Variants in CIP2A observed in about 807,000 individuals in gnomAD.
CIP2A encodes the protein protein CIP2A.
A neutral mutation model predicts 110.9 loss-of-function variants in CIP2A; 103 were observed. The ratio of observed to expected loss-of-function variants is 0.93; its 90% confidence interval spans 0.79 to 1.09. CIP2A has a LOEUF of 1.09. Among genes scored for constraint, CIP2A ranks in the 50% least tolerant of loss-of-function variants. The pLI, the probability that CIP2A is intolerant of heterozygous loss-of-function variation, is 0.00. For missense variants in CIP2A, 1,088 were observed against 1,038.4 expected, an observed-to-expected ratio of 1.05 and a Z score of -0.66; for synonymous variants, 381 against 361.6, an observed-to-expected ratio of 1.05 and a Z score of -0.61.
At position 108,569,404 on chromosome 3, in the gene CIP2A, GAA is replaced by G; in HGVS notation, c.1096_1097del (p.Phe366GlnfsTer5). On this transcript the variant is annotated frameshift_variant, in exon 9 of 21. Transcript: ENST00000295746. LOFTEE classifies it high-confidence loss of function. ...ATCCTATTACCTCAAATATTTCCTT[GAA>G]CAACTCCAATGCTAAAACAGAACAG... is the stretch of plus-strand genomic sequence containing the variant. ...ENCSVLALEL[F>X]KEIFEDVIDA... The G allele has an allele frequency of 6.2e-7, 1 of 1,611,430 alleles. No homozygotes were observed. Among genetic ancestry groups the G allele is most frequent in the Non-Finnish European group, 8.5e-7 (1 of 1,178,392 alleles).
chr3:108,575,317 C>T lies in CIP2A; in HGVS notation c.894+954G>A, dbSNP rs555906848. On this transcript the variant is annotated intron_variant, in intron 8 of 20. Coordinates refer to ENST00000295746, the MANE Select transcript of CIP2A (RefSeq NM_020890.3). Reference sequence around the variant, plus strand: ...ACACACGTGTACGTACACACACGTGCATGTACACACACGTGTATATATACA... The same window carrying T: ...ACACACGTGTACGTACACACACGTGTATGTACACACACGTGTATATATACA... 5.7e-3 allele frequency among the ~76,000 whole-genome samples: 806 copies of T among 142,180 alleles called. 5 individuals carry two copies. Among genetic ancestry groups the T allele is most frequent in the African/African-American group, 0.022 (740 of 33,114 alleles). 93.3% of individuals were successfully genotyped at this position (142,180 alleles called of 152,430 possible). A position where few individuals can be genotyped will look rare whatever the true frequency, so the allele number is the denominator to read the frequency against.
At position 108,583,182 on chromosome 3, in the gene CIP2A, A is replaced by G; in HGVS notation, c.251-99T>C. On this transcript the variant is annotated intron_variant, in intron 2 of 20. Coordinates refer to ENST00000295746, the MANE Select transcript of CIP2A (RefSeq NM_020890.3). Reference sequence around the variant, plus strand: ...TTTCATATGAATTTATTATTAAAAAAGGTATGATATGGCTATTTTCTTATT... The same window carrying G: ...TTTCATATGAATTTATTATTAAAAAGGGTATGATATGGCTATTTTCTTATT... 5.4e-6 allele frequency: 3 copies of G among 556,926 alleles called. No individual in the cohort carries two copies. The South Asian group carries it at 1.4e-4, about 26-fold the overall frequency. 34.5% of individuals were successfully genotyped at this position (556,926 alleles called of 1,614,324 possible).
At chr3:108,551,352 T>A in intron 20 of CIP2A, 33 bp from the exon 21 acceptor site, 1 of 1,517,326 alleles carries the variant, frequency 6.6e-7, no homozygotes, top group Non-Finnish European at 8.9e-7. Context: ...GGAGGAAGAA[T>A]TGAGAAGAAA....
At chr3:108,574,844 A>C (rs1938514801) in intron 8 of CIP2A, 1 of 153,490 alleles carries the variant, frequency 6.5e-6, no homozygotes, top group South Asian at 1.8e-4. Flanking sequence ...ATCCACACAA[A>C]TCTGCAAAAT....
intron 7 of CIP2A, among the ~76,000 whole-genome samples, chr3:108,578,810 A>G (rs1290274152): frequency 2.0e-5 from 3 of 152,208 alleles, no homozygotes; most frequent in Non-Finnish European, 2.9e-5. Context: ...TTACCTATGA[A>G]AAGAGGCACA....
intron 20 of CIP2A, 104 bp downstream of exon 20, chr3:108,552,129 CT>C: frequency 1.2e-6 from 1 of 825,174 alleles, no homozygotes; most frequent in Non-Finnish European, 1.8e-6. Flanking sequence ...CTAATATCTT[CT>C]AAAAAATTTG....
At position 108,563,120 on chromosome 3, in the gene CIP2A, A is replaced by C; in HGVS notation, c.1634+6T>G. 6.4e-7 allele frequency: 1 copy of C among 1,555,936 alleles called. No homozygotes were observed. Among genetic ancestry groups the C allele is most frequent in the Admixed American group, 1.7e-5 (1 of 59,882 alleles). On this transcript the variant is annotated splice_donor_region_variant and intron_variant, in intron 13 of 20. Coordinates refer to ENST00000295746, the MANE Select transcript of CIP2A (RefSeq NM_020890.3). ...AAGAGATACACTGCAAATGATTACA[A>C]CTCACACTAAAGCAGGAAAATCTGG...
chr3:108,589,072 G>C (rs1032637675), intron 1 of CIP2A, among the ~76,000 whole-genome samples: 1 of 152,130 alleles, frequency 6.6e-6, no homozygotes, highest in Non-Finnish European at 1.5e-5. Flanking sequence ...GCTTTTCCTA[G>C]AGCCTTCAGT....
In CIP2A at chr3:108,589,299, G is replaced by A. The variant is rs770359298; in HGVS notation, c.77C>T (p.Ala26Val). Residue 26 changes from alanine to valine, a missense_variant, in exon 1 of 21, where the codon GCC becomes GTC. Transcript: ENST00000295746. ...QYKAVKSEAN[A>V]TQLLRHLEVI... ...CTCCAAGTGCCGCAAAAGCTGAGTG[G>A]CGTTCGCCTCTGACTTCACGGCTTT... is the stretch of plus-strand genomic sequence containing the variant. 1.2e-6 allele frequency: 2 copies of A among 1,614,052 alleles called. No homozygotes were observed. Among genetic ancestry groups the A allele is most frequent in the East Asian group, 4.5e-5 (2 of 44,874 alleles).
At chr3:108,565,167 T>C (rs554013413) in intron 12 of CIP2A, among the ~76,000 whole-genome samples, 188 bp downstream of exon 12, 16 of 152,042 alleles carry the variant, frequency 1.1e-4, no homozygotes, top group Non-Finnish European at 1.5e-4. Flanking sequence ...GTTCAATTCC[T>C]GTGAAAGTAT....
intron 17 of CIP2A, among the ~76,000 whole-genome samples, chr3:108,555,154 A>G (rs1281793027): frequency 6.6e-6 from 1 of 152,160 alleles, no homozygotes; most frequent in African/African-American, 2.4e-5. Context: ...TTGTCCATTC[A>G]AGGAATTTCA....
intron 8 of CIP2A, among the ~76,000 whole-genome samples, chr3:108,570,738 G>C (rs1045546369): frequency 2.0e-5 from 3 of 152,064 alleles, no homozygotes; most frequent in African/African-American, 7.2e-5. Flanking sequence ...GAATGTAAAG[G>C]CCTAGGACAT....
At chr3:108,575,407 TATGTATACATATAC>T (rs1421943800) in intron 8 of CIP2A, among the ~76,000 whole-genome samples, 2 of 139,906 alleles carry the variant, frequency 1.4e-5, no homozygotes, top group Admixed American at 7.5e-5. Context: ...TTCACATGTG[TATGTATACATATAC>T]ATGTATACAT....
intron 8 of CIP2A, 118 bp downstream of exon 8, chr3:108,576,153 C>A: frequency 1.7e-6 from 1 of 580,450 alleles, no homozygotes; most frequent in East Asian, 3.0e-5. Flanking sequence ...AATTGTGTCC[C>A]TATTATAAAA....
chr3:108,583,086 A>AT lies in CIP2A; in HGVS notation c.251-4dup. 2.0e-6 allele frequency: 3 copies of AT among 1,527,770 alleles called. No homozygotes were observed. The highest frequency in any genetic ancestry group is 2.7e-6 in the Non-Finnish European group (3 of 1,115,136). The allele number at this position is 1,527,770 out of a possible 1,614,324, so 94.6% of individuals were successfully genotyped here. On this transcript the variant is annotated splice_region_variant and splice_polypyrimidine_tract_variant and intron_variant, in intron 2 of 20. Transcript: ENST00000295746. Reference sequence around the variant, plus strand: ...ATCTCTGGTTTCAATGTCTACTGCTATAAGTTAAAATAAAAGCACAAAATA... The same window carrying AT: ...ATCTCTGGTTTCAATGTCTACTGCTATTAAGTTAAAATAAAAGCACAAAATA...
In CIP2A at chr3:108,559,349, G is replaced by A. The variant is rs539013172; in HGVS notation, c.2013+408C>T. 1.9e-4 allele frequency among the ~76,000 whole-genome samples: 29 copies of A among 152,244 alleles called. No individual in the cohort carries two copies. The South Asian group carries it at 4.4e-3, about 23-fold the overall frequency. Reference sequence around the variant, plus strand: ...TGATTAGTTCATTATTGGTTATGCTGAGTTTGTGGTATTTGCTGTATATTT... The same window carrying A: ...TGATTAGTTCATTATTGGTTATGCTAAGTTTGTGGTATTTGCTGTATATTT... On this transcript the variant is annotated intron_variant, in intron 16 of 20. Coordinates refer to ENST00000295746, the MANE Select transcript of CIP2A (RefSeq NM_020890.3).
chr3:108,553,584 C>T, intron 19 of CIP2A, 64 bp downstream of exon 19: 45 of 1,389,146 alleles, frequency 3.2e-5, no homozygotes, highest in Non-Finnish European at 4.4e-5. Context: ...GCAAACAAAA[C>T]CACTCATGCT....
At chr3:108,563,481 T>A (rs914036514) in intron 12 of CIP2A, among the ~76,000 whole-genome samples, 1 of 152,116 alleles carries the variant, frequency 6.6e-6, no homozygotes, top group African/African-American at 2.4e-5. Flanking sequence ...AGGTTTTGAA[T>A]GCTTTCAAAT....
Position 108,565,429 on chromosome 3 carries a change from T to C in CIP2A, c.1441A>G (p.Lys481Glu), listed in dbSNP as rs1236143612. 1 of 1,593,580 alleles carries C rather than the reference T, an allele frequency of 6.3e-7. No homozygotes were observed. Among genetic ancestry groups the C allele is most frequent in the South Asian group, 1.1e-5 (1 of 87,014 alleles). Reference protein sequence around the residue: ...LCKLAADVILKTLDLINKLKP... With the variant: ...LCKLAADVILETLDLINKLKP... ...AGTTTGTTAATCAAATCAAGAGTTTTCAAAATTACATCAGCAGCAAGTTTG... is the reference window on the plus strand; with the variant it reads ...AGTTTGTTAATCAAATCAAGAGTTTCCAAAATTACATCAGCAGCAAGTTTG... Residue 481 changes from lysine to glutamate, a missense_variant, in exon 12 of 21, where the codon AAA becomes GAA. By Grantham distance (56) the Lys-to-Glu change is moderately conservative (BLOSUM62 1). Transcript: ENST00000295746.
Sources: gnomAD v4.1 joint callset for allele counts (sites outside exome capture counted in the v4.1 genomes callset) on GRCh38, gnomAD v4.1.1 for gene constraint, MANE v1.5 for transcripts, NCBI Gene and HGNC (gene_info 2026-07-23, HGNC 2026-07-21) for gene names.